Variants in ADAMTS17 observed in about 807,000 individuals in gnomAD.
The protein encoded by ADAMTS17 is A disintegrin and metalloproteinase with thrombospondin motifs 17.
In ADAMTS17, 113 loss-of-function variants were observed where a neutral mutation model predicts 141.5. The observed-to-expected ratio is 0.80, with a 90% confidence interval of 0.69 to 0.93. The LOEUF is 0.93. Ranked by LOEUF, ADAMTS17 falls within the 40% of genes least tolerant of loss-of-function variation. ADAMTS17 has a pLI of 0.00. For synonymous variants in ADAMTS17, 768 were observed against 630.6 expected (o/e 1.22, Z -3.27); for missense variants, 1,659 against 1,517.9 (o/e 1.09, Z -1.54).
At chr15:100,207,224 T>C (rs1050625789) in intron 7 of ADAMTS17, among the ~76,000 whole-genome samples, 3 of 151,998 alleles carry the variant, frequency 2.0e-5, no homozygotes, top group Non-Finnish European at 4.4e-5. Flanking sequence ...TTTCCCTCTC[T>C]CCAAGTGAGC....
At chr15:100,078,978 T>C (rs891537487) in intron 15 of ADAMTS17, among the ~76,000 whole-genome samples, 5 of 152,214 alleles carry the variant, frequency 3.3e-5, no homozygotes, top group African/African-American at 1.2e-4. Flanking sequence ...AATGATATAT[T>C]AGTCATTAGG....
At chr15:100,160,246 G>A (rs766884558) in intron 8 of ADAMTS17, among the ~76,000 whole-genome samples, 1 of 152,140 alleles carries the variant, frequency 6.6e-6, no homozygotes, top group Non-Finnish European at 1.5e-5. Flanking sequence ...CCCACCTCAG[G>A]TAATGAGAAC....
chr15:100,199,748 C>T (rs1401196460), intron 7 of ADAMTS17, among the ~76,000 whole-genome samples: 1 of 152,222 alleles, frequency 6.6e-6, no homozygotes, highest in Non-Finnish European at 1.5e-5. Flanking sequence ...CTCCCAAGGT[C>T]ACCTGGATGG....
At chr15:100,056,146 C>T (rs775891891) in intron 15 of ADAMTS17, among the ~76,000 whole-genome samples, 23 of 152,188 alleles carry the variant, frequency 1.5e-4, no homozygotes, top group Non-Finnish European at 2.9e-4. Context: ...ATTTCCAATG[C>T]TTCTAGTGAG....
At chr15:100,037,931 C>G (rs543211696) in intron 18 of ADAMTS17, among the ~76,000 whole-genome samples, 7 of 150,876 alleles carry the variant, frequency 4.6e-5, no homozygotes, top group African/African-American at 1.7e-4. Context: ...CACTACCATA[C>G]CAGGCTAATT....
intron 8 of ADAMTS17, among the ~76,000 whole-genome samples, chr15:100,185,744 C>CTT (rs1221812081): frequency 2.0e-5 from 3 of 152,174 alleles, no homozygotes; most frequent in Non-Finnish European, 4.4e-5. Context: ...ACACCTCGTC[C>CTT]ACATAAAGAC....
intron 8 of ADAMTS17, among the ~76,000 whole-genome samples, chr15:100,163,225 CTTA>C: frequency 6.6e-6 from 1 of 152,110 alleles, no homozygotes; most frequent in East Asian, 1.9e-4. Context: ...AAAAATTCAA[CTTA>C]TTGAGACAGA....
At chr15:100,301,334 T>C (rs1194177305) in intron 3 of ADAMTS17, among the ~76,000 whole-genome samples, 1 of 148,750 alleles carries the variant, frequency 6.7e-6, no homozygotes, top group East Asian at 2.1e-4. Context: ...TATATATATA[T>C]ATATATTTTT....
At chr15:100,166,284 C>G (rs2141443705) in intron 8 of ADAMTS17, among the ~76,000 whole-genome samples, 1 of 152,282 alleles carries the variant, frequency 6.6e-6, no homozygotes, top group Non-Finnish European at 1.5e-5. Context: ...GATACAATAC[C>G]ATGATGAACA....
Position 99,974,637 on chromosome 15 carries a change from T to C in ADAMTS17, c.3128-75A>G. ...GTCCTGATGCAGGCACAGGGAGGGC[T>C]TGTGGTCTGACCGTCTGGGCTCCCT... On this transcript the variant is annotated intron_variant, in intron 21 of 21. Coordinates refer to ENST00000268070, the MANE Select transcript of ADAMTS17 (RefSeq NM_139057.4). 3 of 1,592,308 alleles carry C rather than the reference T, an allele frequency of 1.9e-6. No individual in the cohort carries two copies. In the East Asian group the frequency reaches 6.7e-5, roughly 36 times the overall value.
chr15:100,145,659 G>A (rs919025170), intron 10 of ADAMTS17, among the ~76,000 whole-genome samples: 1 of 152,132 alleles, frequency 6.6e-6, no homozygotes, highest in African/African-American at 2.4e-5. Context: ...AATGAGAATT[G>A]TATATGTTTA....
rs764513795 is a variant in ADAMTS17, at chr15:100,199,301, CAG to C, written c.1181+15_1181+16del. On this transcript the variant is annotated intron_variant, in intron 8 of 21. Transcript: ENST00000268070. ...AGGACTGAAAGAAAACAGGACGACA[CAG>C]AGTCTGATACTTACTTGTGGCCCAG... 1 of 1,607,900 alleles carries C rather than the reference CAG, an allele frequency of 6.2e-7. No individual in the cohort carries two copies. Among genetic ancestry groups the C allele is most frequent in the Non-Finnish European group, 8.5e-7 (1 of 1,174,362 alleles).
chr15:100,066,393 T>A (rs558673699), intron 15 of ADAMTS17, among the ~76,000 whole-genome samples: 189 of 152,074 alleles, frequency 1.2e-3, no homozygotes, highest in African/African-American at 4.1e-3. Flanking sequence ...TTTTTTTTTT[T>A]AAATTATTTC....
At chr15:100,136,165 A>T (rs1261743494) in intron 10 of ADAMTS17, among the ~76,000 whole-genome samples, 5 of 152,216 alleles carry the variant, frequency 3.3e-5, no homozygotes, top group Non-Finnish European at 7.3e-5. Flanking sequence ...CCATGTTGGA[A>T]ACAACCCAAA....
intron 3 of ADAMTS17, among the ~76,000 whole-genome samples, chr15:100,318,802 C>T (rs542533842): frequency 3.3e-5 from 5 of 152,348 alleles, no homozygotes; most frequent in Non-Finnish European, 7.3e-5. Flanking sequence ...TATTGGCCTA[C>T]TGGGTGAAGG....
chr15:100,055,622 G>A (rs1413041064), intron 15 of ADAMTS17, among the ~76,000 whole-genome samples: 2 of 152,162 alleles, frequency 1.3e-5, no homozygotes, highest in African/African-American at 2.4e-5. Flanking sequence ...TTAGGAAAGA[G>A]AAAGCCCTGC....
At chr15:100,196,963 GTGTT>G (rs2041141408) in intron 8 of ADAMTS17, among the ~76,000 whole-genome samples, 1 of 152,232 alleles carries the variant, frequency 6.6e-6, no homozygotes, top group Non-Finnish European at 1.5e-5. Flanking sequence ...TAACAATAAG[GTGTT>G]TGTTTTTGTC....
chr15:100,250,876 T>C (rs555815573), intron 7 of ADAMTS17, among the ~76,000 whole-genome samples: 1 of 152,296 alleles, frequency 6.6e-6, no homozygotes, highest in South Asian at 2.1e-4. Flanking sequence ...ATCATGACTG[T>C]ATAATTACTC....
At chr15:100,050,905 T>C (rs548673866) in intron 17 of ADAMTS17, among the ~76,000 whole-genome samples, 5 of 152,316 alleles carry the variant, frequency 3.3e-5, no homozygotes, top group Admixed American at 6.5e-5. Context: ...TGGCTTCCTA[T>C]TGCCCCCTCT....
Sources: allele counts gnomAD v4.1 joint callset (sites outside exome capture counted in the v4.1 genomes callset), GRCh38; gene constraint gnomAD v4.1.1; transcripts MANE v1.5; gene names NCBI Gene and HGNC (gene_info 2026-07-23, HGNC 2026-07-21).